The following WDR37 variants were observed in gnomAD, a reference collection of about 807,000 sequenced individuals.
WDR37 encodes the protein WD repeat-containing protein 37.
Under a neutral mutation model 62.9 loss-of-function variants are expected in WDR37, and 19 were observed. That is an observed-to-expected ratio of 0.30 (90% CI 0.21 to 0.44). The LOEUF is 0.44. Ranked by LOEUF, WDR37 falls within the 20% of genes least tolerant of loss-of-function variation. The pLI is 1.00. For missense variants in WDR37, 474 were observed against 657.6 expected (o/e 0.72, Z 3.05); for synonymous variants, 250 against 260.9 (o/e 0.96, Z 0.40).
chr10:1,116,497 G>A (rs987818900), intron 11 of WDR37, among the ~76,000 whole-genome samples: 6 of 152,208 alleles, frequency 3.9e-5, no homozygotes, highest in African/African-American at 1.2e-4. Context: ...TTAAGATAAT[G>A]GCCCCCAGTT....
chr10:1,119,095 C>T (rs751482152), intron 11 of WDR37, among the ~76,000 whole-genome samples: 10 of 152,196 alleles, frequency 6.6e-5, no homozygotes, highest in Non-Finnish European at 1.3e-4. Context: ...ACCAGAAGGC[C>T]GTGCTGCAAA....
At chr10:1,099,481 ATAGT>A (rs1318982121) in intron 9 of WDR37, among the ~76,000 whole-genome samples, 1 of 152,204 alleles carries the variant, frequency 6.6e-6, no homozygotes, top group East Asian at 1.9e-4. Flanking sequence ...CTATGTGGAG[ATAGT>A]TAAGCAGTTA....
At chr10:1,075,075 C>T (rs1306398607) in intron 2 of WDR37, among the ~76,000 whole-genome samples, 1 of 152,176 alleles carries the variant, frequency 6.6e-6, no homozygotes. Flanking sequence ...TTCAACAACT[C>T]GTTTGAGAGT....
rs1173559558 is a variant in WDR37, at chr10:1,129,952, G to GGGAA, written c.*609_*610insGAAG. ...ATTTGCACCATTTGGAGTTTCTTTAGGAAAGAAAAGTTTTCTGCTTTTTTA... is the reference window on the plus strand; with the variant it reads ...ATTTGCACCATTTGGAGTTTCTTTAGGGAAGAAAGAAAAGTTTTCTGCTTTTTTA... On this transcript the variant is annotated 3_prime_UTR_variant, in exon 14 of 14. Coordinates refer to ENST00000263150, the MANE Select transcript of WDR37 (RefSeq NM_014023.4). The GGGAA allele has an allele frequency of 3.3e-5, 5 of 152,298 alleles. No homozygotes were observed. The highest frequency in any genetic ancestry group is 6.6e-5 in the Admixed American group (1 of 15,258). 9.4% of individuals were successfully genotyped at this position (152,298 alleles called of 1,614,324 possible).
chr10:1,097,618 C>A (rs551059047), intron 9 of WDR37, among the ~76,000 whole-genome samples: 1 of 152,286 alleles, frequency 6.6e-6, no homozygotes, highest in African/African-American at 2.4e-5. Context: ...GCCCATGGTC[C>A]AGTGCTGTGG....
intron 11 of WDR37, among the ~76,000 whole-genome samples, chr10:1,111,271 A>G (rs1835209671): frequency 6.6e-6 from 1 of 152,216 alleles, no homozygotes; most frequent in Non-Finnish European, 1.5e-5. Flanking sequence ...TAAATAATTA[A>G]CTGTCTAGTT....
chr10:1,095,845 A>G (rs1475732532), intron 8 of WDR37, among the ~76,000 whole-genome samples: 2 of 152,156 alleles, frequency 1.3e-5, no homozygotes, highest in Non-Finnish European at 2.9e-5. Flanking sequence ...TTCTGATATG[A>G]TAGGGTTTCT....
chr10:1,118,649 T>C (rs1835478368), intron 11 of WDR37, among the ~76,000 whole-genome samples: 1 of 152,220 alleles, frequency 6.6e-6, no homozygotes, highest in South Asian at 2.1e-4. Context: ...AAACACTTCA[T>C]TTAACACCAT....
At chr10:1,101,735 C>T (rs959158705) in intron 9 of WDR37, among the ~76,000 whole-genome samples, 7 of 152,234 alleles carry the variant, frequency 4.6e-5, no homozygotes, top group African/African-American at 1.4e-4. Context: ...GTAGCTGTTC[C>T]GCACATGGCG....
At chr10:1,075,831 G>C (rs1388295608) in intron 2 of WDR37, among the ~76,000 whole-genome samples, 3 of 149,798 alleles carry the variant, frequency 2.0e-5, no homozygotes, top group African/African-American at 4.9e-5. Flanking sequence ...GTCCAGGCTA[G>C]AGTGCGGTAC....
intron 11 of WDR37, among the ~76,000 whole-genome samples, chr10:1,122,435 C>T (rs964856534): frequency 1.3e-5 from 2 of 152,162 alleles, no homozygotes; most frequent in Non-Finnish European, 2.9e-5. Flanking sequence ...AGGCACTGCC[C>T]CTGCGTCTCA....
intron 13 of WDR37, among the ~76,000 whole-genome samples, chr10:1,128,040 T>A (rs1237760147): frequency 6.6e-6 from 1 of 152,254 alleles, no homozygotes; most frequent in Non-Finnish European, 1.5e-5. Context: ...TGCTTCCTTT[T>A]TTGTGCCTTT....
intron 13 of WDR37, among the ~76,000 whole-genome samples, chr10:1,128,911 C>T (rs1304045679): frequency 1.3e-5 from 2 of 149,598 alleles, no homozygotes. Context: ...GCTTGGTGGT[C>T]CATGCTCTAT....
intron 1 of WDR37, among the ~76,000 whole-genome samples, chr10:1,057,543 G>A (rs900786075): frequency 1.3e-5 from 2 of 152,170 alleles, no homozygotes; most frequent in African/African-American, 4.8e-5. Context: ...CCATGATATT[G>A]TTCCCCTTTT....
At chr10:1,084,009 C>T (rs753558080) in intron 5 of WDR37, among the ~76,000 whole-genome samples, 12 of 152,186 alleles carry the variant, frequency 7.9e-5, no homozygotes, top group Non-Finnish European at 1.6e-4. Context: ...TTGGGATGTC[C>T]TTCCTGACTT....
intron 11 of WDR37, among the ~76,000 whole-genome samples, chr10:1,114,201 C>T (rs1296057323): frequency 6.6e-6 from 1 of 152,094 alleles, no homozygotes; most frequent in East Asian, 1.9e-4. Context: ...AAATGATCCA[C>T]CTGCCTTGGC....
At chr10:1,102,029 G>A (rs747348858) in intron 9 of WDR37, among the ~76,000 whole-genome samples, 9 of 150,424 alleles carry the variant, frequency 6.0e-5, no homozygotes, top group Non-Finnish European at 1.2e-4. Flanking sequence ...GCTGCTGTGC[G>A]TCCCTGTGAC....
chr10:1,089,061 C>T (rs1024947823), intron 7 of WDR37, among the ~76,000 whole-genome samples: 4 of 152,108 alleles, frequency 2.6e-5, no homozygotes, highest in African/African-American at 9.7e-5. Context: ...TCTCGCTTTC[C>T]CTTGTTCTAA....
intron 11 of WDR37, among the ~76,000 whole-genome samples, chr10:1,120,342 T>C (rs1835537293): frequency 6.6e-6 from 1 of 152,252 alleles, no homozygotes; most frequent in African/African-American, 2.4e-5. Context: ...AGCTACCCCA[T>C]GTCTTCCCTT....
Sources: gnomAD v4.1 joint callset for allele counts (sites outside exome capture counted in the v4.1 genomes callset) on GRCh38, gnomAD v4.1.1 for gene constraint, MANE v1.5 for transcripts, NCBI Gene and HGNC (gene_info 2026-07-23, HGNC 2026-07-21) for gene names.